ACYP2: variants seen among roughly 807,000 people sequenced by gnomAD.
ACYP2 encodes the protein acylphosphatase-2.
ACYP2 carries 12 observed loss-of-function variants against 11.2 expected under a neutral mutation model. The ratio of observed to expected loss-of-function variants is 1.08; its 90% CI spans 0.69 to 1.74. ACYP2 has a LOEUF of 1.74. Ranked by LOEUF, ACYP2 falls within the 40% of genes most tolerant of loss-of-function variation. The pLI, the probability that ACYP2 is intolerant of heterozygous loss-of-function variation, is 0.00. For synonymous variants in ACYP2, 43 were observed against 32.2 expected (o/e 1.33, Z -1.13); for missense variants, 134 against 101.9 (o/e 1.31, Z -1.35).
intron 4 of ACYP2, among the ~76,000 whole-genome samples, chr2:54,106,589 A>G (rs1679174572): frequency 6.7e-6 from 1 of 150,096 alleles, no homozygotes; most frequent in Non-Finnish European, 1.5e-5. Flanking sequence ...CATTTACCAG[A>G]CAAATTTTTG....
At chr2:54,279,909 T>C (rs1688770144) in intron 6 of ACYP2, among the ~76,000 whole-genome samples, 1 of 152,178 alleles carries the variant, frequency 6.6e-6, no homozygotes, top group Admixed American at 6.5e-5. Context: ...AGAATAGGTA[T>C]CTATTACCTG....
At chr2:54,031,952 C>T (rs185856300) in intron 2 of ACYP2, among the ~76,000 whole-genome samples, 124 of 152,232 alleles carry the variant, frequency 8.1e-4, no homozygotes, top group Admixed American at 4.3e-3. Flanking sequence ...TCATATCCTT[C>T]GCCCACTTTT....
intron 4 of ACYP2, among the ~76,000 whole-genome samples, chr2:54,109,362 A>T (rs536366021): frequency 3.3e-5 from 5 of 151,950 alleles, no homozygotes; most frequent in African/African-American, 1.2e-4. Flanking sequence ...CTAAGCTATG[A>T]GGATGCAAAG....
chr2:54,237,037 C>T (rs1328175319), intron 6 of ACYP2, among the ~76,000 whole-genome samples: 1 of 152,148 alleles, frequency 6.6e-6, no homozygotes, highest in African/African-American at 2.4e-5. Context: ...ATTCCCTAAA[C>T]AATACAGTAT....
intron 4 of ACYP2, among the ~76,000 whole-genome samples, chr2:54,065,070 T>G (rs959671632): frequency 6.6e-6 from 1 of 150,392 alleles, no homozygotes; most frequent in Non-Finnish European, 1.5e-5. Flanking sequence ...GGTGACAGAG[T>G]GAGACTCCAT....
intron 4 of ACYP2, among the ~76,000 whole-genome samples, chr2:54,079,183 T>C (rs952910407): frequency 2.6e-5 from 4 of 152,176 alleles, no homozygotes; most frequent in African/African-American, 9.6e-5. Flanking sequence ...TAGAATTTAG[T>C]CCATAGAATA....
At chr2:54,086,618 A>G (rs148598535) in intron 4 of ACYP2, among the ~76,000 whole-genome samples, 2 of 152,348 alleles carry the variant, frequency 1.3e-5, no homozygotes, top group East Asian at 3.9e-4. Context: ...AGAGCAACTT[A>G]TTACATCAAG....
At position 54,026,270 on chromosome 2, in the gene ACYP2, G is replaced by C. The variant is rs373638918; in HGVS notation, c.63-24688G>C. On this transcript the variant is annotated intron_variant, in intron 2 of 6. Coordinates refer to ENST00000607452, the MANE Select transcript of ACYP2 (RefSeq NM_001320586.2). Reference sequence around the variant, plus strand: ...AAAAAGTGGGCTAAGGACATGAATAGACAGTTCTCAAAAGAAGATATATAA... The same window carrying C: ...AAAAAGTGGGCTAAGGACATGAATACACAGTTCTCAAAAGAAGATATATAA... Among the ~76,000 whole-genome samples, 10 of 152,178 alleles carry C rather than the reference G, an allele frequency of 6.6e-5. No homozygotes were observed. In the East Asian group the frequency reaches 1.5e-3, roughly 23 times the overall value.
intron 3 of ACYP2, among the ~76,000 whole-genome samples, chr2:54,052,207 C>CT (rs1364761151): frequency 6.6e-6 from 1 of 151,986 alleles, no homozygotes; most frequent in Non-Finnish European, 1.5e-5. Context: ...ATTTAAGCCC[C>CT]TTGTACACAA....
intron 6 of ACYP2, among the ~76,000 whole-genome samples, chr2:54,268,584 T>C (rs1688137954): frequency 6.6e-6 from 1 of 151,240 alleles, no homozygotes; most frequent in African/African-American, 2.4e-5. Context: ...GGAAGATCAC[T>C]TGAGCCCAGG....
In ACYP2 at chr2:54,254,727, G is replaced by A. The variant is rs940048108; in HGVS notation, c.405-49961G>A. The stretch of plus-strand genomic sequence containing the variant: ...TGATGTTAATGCAGAATAGCAAGAC[G>A]ACCAGGTGAAAGGGGAGCAGCACAG... On this transcript the variant is annotated intron_variant, in intron 6 of 6. Transcript: ENST00000607452. The A allele has an allele frequency of 1.4e-4, 80 of 581,674 alleles. 1 individual carries two copies. In the South Asian group the frequency reaches 1.9e-3, roughly 14 times the overall value. 36.0% of individuals were successfully genotyped at this position (581,674 alleles called of 1,614,324 possible).
chr2:53,991,248 A>C (rs1672278677), intron 2 of ACYP2, among the ~76,000 whole-genome samples: 1 of 152,210 alleles, frequency 6.6e-6, no homozygotes, highest in African/African-American at 2.4e-5. Flanking sequence ...TTGCTTATCC[A>C]TTCATCTGTT....
chr2:54,010,999 C>T (rs1300138885), intron 2 of ACYP2, among the ~76,000 whole-genome samples: 4 of 151,946 alleles, frequency 2.6e-5, no homozygotes, highest in Admixed American at 6.6e-5. Context: ...CACATGCCTC[C>T]TTTATTCACT....
intron 4 of ACYP2, among the ~76,000 whole-genome samples, chr2:54,058,681 A>G (rs1676295420): frequency 6.6e-6 from 1 of 151,870 alleles, no homozygotes; most frequent in Non-Finnish European, 1.5e-5. Context: ...TACTTTAGAT[A>G]AAACATGAGA....
At chr2:54,222,132 C>G (rs1685823861) in intron 6 of ACYP2, among the ~76,000 whole-genome samples, 1 of 152,126 alleles carries the variant, frequency 6.6e-6, no homozygotes, top group African/African-American at 2.4e-5. Context: ...AGTTAAATGA[C>G]TAGTTTAAGC....
chr2:54,055,265 G>A (rs1676079451), intron 3 of ACYP2, among the ~76,000 whole-genome samples: 2 of 152,118 alleles, frequency 1.3e-5, no homozygotes, highest in South Asian at 4.1e-4. Context: ...TAGAACTCCT[G>A]ACCTCAGAGA....
chr2:54,182,047 A>ATTTTTTTTTTTTTTTTTTTT (rs35145998), intron 6 of ACYP2, among the ~76,000 whole-genome samples: 4 of 83,060 alleles, frequency 4.8e-5, no homozygotes, highest in African/African-American at 2.1e-4. Flanking sequence ...ATAGAAGATA[A>ATTTTTTTTTTTTTTTTTTTT]TTTTTTTTTT....
intron 6 of ACYP2, among the ~76,000 whole-genome samples, chr2:54,182,689 G>T (rs1455016295): frequency 6.6e-6 from 1 of 152,178 alleles, no homozygotes; most frequent in African/African-American, 2.4e-5. Flanking sequence ...TTGTCTCTTG[G>T]GCCTGGAGGG....
intron 3 of ACYP2, among the ~76,000 whole-genome samples, chr2:54,052,143 T>C (rs1167629550): frequency 6.6e-6 from 1 of 152,018 alleles, no homozygotes; most frequent in African/African-American, 2.4e-5. Flanking sequence ...ATGAAGAAGA[T>C]GATGATGCTG....
Sources: gnomAD v4.1 joint callset for allele counts (sites outside exome capture counted in the v4.1 genomes callset) on GRCh38, gnomAD v4.1.1 for gene constraint, MANE v1.5 for transcripts, NCBI Gene and HGNC (gene_info 2026-07-23, HGNC 2026-07-21) for gene names.